The following LARGE1 variants were observed in gnomAD, a reference collection of about 807,000 sequenced individuals.
LARGE1 encodes LARGE xylosyl- and glucuronyltransferase 1.
Under a neutral mutation model 87.6 loss-of-function variants are expected in LARGE1, and 43 were observed. That is an observed-to-expected ratio of 0.49 (90% confidence interval 0.38 to 0.63). The LOEUF (loss-of-function observed/expected upper bound fraction) is 0.63. Among genes scored for constraint, LARGE1 ranks in the 30% least tolerant of loss-of-function variants. The pLI is 0.00. For missense variants in LARGE1, 802 were observed against 1,000.2 expected (o/e 0.80, Z 2.67); for synonymous variants, 434 against 394.6 (o/e 1.10, Z -1.18).
chr22:33,380,077 T>C (rs1362167866), intron 9 of LARGE1, among the ~76,000 whole-genome samples: 1 of 152,228 alleles, frequency 6.6e-6, no homozygotes, highest in Non-Finnish European at 1.5e-5. Context: ...TCTGTCATTG[T>C]TTCTGGCCTT....
the LARGE1 span, among the ~76,000 whole-genome samples, chr22:33,148,178 G>T: frequency 6.6e-6 from 1 of 152,192 alleles, no homozygotes. Context: ...CATGTTCTTG[G>T]ACTTTCCAGA....
At chr22:33,347,442 T>C (rs1447025336) in intron 9 of LARGE1, among the ~76,000 whole-genome samples, 1 of 152,220 alleles carries the variant, frequency 6.6e-6, no homozygotes, top group Non-Finnish European at 1.5e-5. Context: ...TCACATTTTG[T>C]CTGTCTACAG....
intron 2 of LARGE1, among the ~76,000 whole-genome samples, chr22:33,689,814 C>G (rs1467102659): frequency 6.6e-6 from 1 of 151,924 alleles, no homozygotes; most frequent in Non-Finnish European, 1.5e-5. Flanking sequence ...GTAATCCCAG[C>G]TACTCGGGAG....
At chr22:33,173,573 C>A (rs1432663636) in intron 11 of LARGE1, among the ~76,000 whole-genome samples, 2 of 151,690 alleles carry the variant, frequency 1.3e-5, no homozygotes. Context: ...GAAGACTCAT[C>A]ATGCTGTATT....
chr22:33,714,733 C>A (rs1034873272), intron 2 of LARGE1, among the ~76,000 whole-genome samples: 2 of 152,190 alleles, frequency 1.3e-5, no homozygotes, highest in Non-Finnish European at 2.9e-5. Flanking sequence ...CAGGTACTTG[C>A]GTGAAAGAAC....
intron 2 of LARGE1, among the ~76,000 whole-genome samples, chr22:33,728,844 T>C (rs1183090792): frequency 6.6e-6 from 1 of 152,194 alleles, no homozygotes; most frequent in Non-Finnish European, 1.5e-5. Context: ...GTAAATATAG[T>C]ATTAGGTGAG....
At chr22:33,673,689 A>T (rs5754635) in intron 2 of LARGE1, among the ~76,000 whole-genome samples, 49,850 of 151,818 alleles carry the variant, frequency 0.33, 9,523 homozygotes, top group Admixed American at 0.49. Flanking sequence ...AAAACTCCCC[A>T]TTCTTTTTTA....
rs756271257 is a variant in LARGE1, at chr22:33,719,710, T to C, written c.106+41661A>G. ...TAATTTTTTATATTTTTAGTAGAGA[T>C]GGGGTTTCACCATATTAGCCAGGAT... On this transcript the variant is annotated intron_variant, in intron 2 of 14. Transcript: ENST00000397394. Among the ~76,000 whole-genome samples, 136 of 152,048 alleles carry C rather than the reference T, an allele frequency of 8.9e-4. 1 individual carries two copies. The highest frequency in any genetic ancestry group is 5.2e-3 in the Admixed American group (80 of 15,260).
intron 6 of LARGE1, among the ~76,000 whole-genome samples, chr22:33,441,782 C>T (rs2067489105): frequency 6.6e-6 from 1 of 152,182 alleles, no homozygotes; most frequent in South Asian, 2.1e-4. Context: ...CTCAGTTCTT[C>T]ATTTTTCTCA....
chr22:33,433,098 CTCT>C (rs745355708), intron 6 of LARGE1, among the ~76,000 whole-genome samples: 1 of 152,144 alleles, frequency 6.6e-6, no homozygotes, highest in Admixed American at 6.5e-5. Flanking sequence ...AGAAGGCCTT[CTCT>C]TGCAATTATT....
chr22:33,740,120 C>A (rs572678866), intron 2 of LARGE1, among the ~76,000 whole-genome samples: 1 of 152,162 alleles, frequency 6.6e-6, no homozygotes, highest in African/African-American at 2.4e-5. Context: ...CCTTGACCAT[C>A]GCTTCCTGGA....
intron 11 of LARGE1, 126 bp downstream of exon 11, chr22:33,315,959 C>G (rs1342899941): frequency 8.9e-7 from 1 of 1,129,244 alleles, no homozygotes; most frequent in Non-Finnish European, 1.3e-6. Context: ...CATGTGCCAT[C>G]TCTTCCTGCT....
At chr22:33,461,075 G>T (rs772524108) in intron 6 of LARGE1, among the ~76,000 whole-genome samples, 5 of 152,142 alleles carry the variant, frequency 3.3e-5, no homozygotes, top group African/African-American at 7.2e-5. Flanking sequence ...AACTGCAGAA[G>T]TAACAATGAA....
At chr22:33,509,504 A>G (rs1290265120) in intron 6 of LARGE1, among the ~76,000 whole-genome samples, 1 of 151,768 alleles carries the variant, frequency 6.6e-6, no homozygotes, top group Non-Finnish European at 1.5e-5. Context: ...CAGCCTGGAG[A>G]GCAAAGCACA....
At chr22:33,096,576 T>TGC in the LARGE1 span, among the ~76,000 whole-genome samples, 1 of 143,388 alleles carries the variant, frequency 7.0e-6, no homozygotes, top group African/African-American at 2.5e-5. Flanking sequence ...GTTTTTTTTT[T>TGC]TTTTTTGAGA....
At chr22:33,820,660 G>A (rs978424836) in intron 1 of LARGE1, among the ~76,000 whole-genome samples, 1 of 152,030 alleles carries the variant, frequency 6.6e-6, no homozygotes, top group East Asian at 1.9e-4. Flanking sequence ...AAATACTATA[G>A]GATAAAATAA....
At chr22:33,673,243 C>A (rs2081471307) in intron 2 of LARGE1, among the ~76,000 whole-genome samples, 1 of 152,168 alleles carries the variant, frequency 6.6e-6, no homozygotes, top group South Asian at 2.1e-4. Flanking sequence ...CCACTGCACT[C>A]CAGCCTAGAC....
At chr22:33,676,335 GGT>G (rs1331590160) in intron 2 of LARGE1, among the ~76,000 whole-genome samples, 3 of 111,260 alleles carry the variant, frequency 2.7e-5, no homozygotes, top group Admixed American at 2.7e-4. Context: ...ACGTCCAGCA[GGT>G]TAAACCTACA....
intron 4 of LARGE1, among the ~76,000 whole-genome samples, chr22:33,616,361 G>A (rs2097304): frequency 0.75 from 113,230 of 151,868 alleles, 42,484 homozygotes; most frequent in African/African-American, 0.83. Flanking sequence ...AAAAAAATAA[G>A]AAAATTTAAA....
Sources: allele counts gnomAD v4.1 joint callset (sites outside exome capture counted in the v4.1 genomes callset), GRCh38; gene constraint gnomAD v4.1.1; transcripts MANE v1.5; gene names NCBI Gene and HGNC (gene_info 2026-07-23, HGNC 2026-07-21).